NRXN3: variants seen among roughly 807,000 people sequenced by gnomAD.
NRXN3 encodes neurexin III.
A neutral mutation model predicts 137.6 loss-of-function variants in NRXN3; 32 were observed. The ratio of observed to expected loss-of-function variants is 0.23; its 90% CI spans 0.18 to 0.31. NRXN3 has a LOEUF of 0.31. Ranked by LOEUF, NRXN3 falls within the 10% of genes least tolerant of loss-of-function variation. The pLI is 1.00. For synonymous variants in NRXN3, 798 were observed against 784.5 expected (o/e 1.02, Z -0.29); for missense variants, 1,574 against 2,062.5 (o/e 0.76, Z 4.59).
chr14:79,372,970 A>G (rs763646485), intron 15 of NRXN3, among the ~76,000 whole-genome samples: 5 of 152,254 alleles, frequency 3.3e-5, no homozygotes, highest in South Asian at 4.1e-4. Context: ...CCTGACAAAT[A>G]TAAAAAGAGA....
chr14:78,419,176 T>G (rs2093312756), intron 4 of NRXN3, among the ~76,000 whole-genome samples: 1 of 152,242 alleles, frequency 6.6e-6, no homozygotes, highest in South Asian at 2.1e-4. Flanking sequence ...TAGTTCATGG[T>G]GGGACCTGAG....
chr14:78,201,991 A>C (rs919416531), intron 1 of NRXN3, among the ~76,000 whole-genome samples: 1 of 152,222 alleles, frequency 6.6e-6, no homozygotes, highest in Admixed American at 6.5e-5. Context: ...TCTAAGGTCC[A>C]TTTCTGGCTA....
chr14:78,971,458 A>G (rs141280824), intron 14 of NRXN3, among the ~76,000 whole-genome samples: 1 of 151,962 alleles, frequency 6.6e-6, no homozygotes, highest in African/African-American at 2.4e-5. Flanking sequence ...ACACACACAG[A>G]TAGATAAGTA....
chr14:79,860,998 A>G lies in NRXN3; in HGVS notation c.4094-344A>G, dbSNP rs1311447183. 2.4e-6 allele frequency: 3 copies of G among 1,256,982 alleles called. No individual in the cohort carries two copies. The African/African-American group carries it at 4.5e-5, about 19-fold the overall frequency. The allele number at this position is 1,256,982 out of a possible 1,614,324, so 77.9% of individuals were successfully genotyped here. A position where few individuals can be genotyped will look rare whatever the true frequency, so the allele number is the denominator to read the frequency against. ...GACGTTGGTTGAGTGAGAGTTGTTT[A>G]CAAATATACTAATTGTTTTTCTTTT... On this transcript the variant is annotated intron_variant, in intron 20 of 20. Coordinates refer to ENST00000335750, the MANE Select transcript of NRXN3 (RefSeq NM_001330195.2).
intron 15 of NRXN3, among the ~76,000 whole-genome samples, chr14:79,403,156 T>G (rs920692487): frequency 1.3e-5 from 2 of 152,122 alleles, no homozygotes; most frequent in Non-Finnish European, 2.9e-5. Flanking sequence ...TCTGTCCCAC[T>G]TTTCTCTAAT....
intron 16 of NRXN3, among the ~76,000 whole-genome samples, chr14:79,604,452 C>G (rs1361946806): frequency 6.6e-6 from 1 of 151,152 alleles, no homozygotes; most frequent in African/African-American, 2.4e-5. Context: ...CCAGGCTGGT[C>G]TTGAACTCCT....
At chr14:78,482,022 G>A (rs2095481333) in intron 4 of NRXN3, among the ~76,000 whole-genome samples, 1 of 152,134 alleles carries the variant, frequency 6.6e-6, no homozygotes, top group South Asian at 2.1e-4. Context: ...TCAACTAAAA[G>A]TTAATCCCTG....
At chr14:78,183,031 G>A (rs1280053895) in intron 1 of NRXN3, among the ~76,000 whole-genome samples, 1 of 152,132 alleles carries the variant, frequency 6.6e-6, no homozygotes. Flanking sequence ...ACAATGGCAG[G>A]TTGGGAGGCA....
intron 15 of NRXN3, among the ~76,000 whole-genome samples, chr14:79,137,333 AGCTACTGCCTACATTTCACT>A (rs1218811379): frequency 6.6e-6 from 1 of 152,216 alleles, no homozygotes; most frequent in East Asian, 1.9e-4. Context: ...CTGTTGAAAC[AGCTACTGCCTACATTTCACT>A]GCCTCTTGAA....
At chr14:78,489,977 C>A (rs953512983) in intron 4 of NRXN3, among the ~76,000 whole-genome samples, 2 of 151,406 alleles carry the variant, frequency 1.3e-5, no homozygotes, top group Non-Finnish European at 2.9e-5. Flanking sequence ...TGCAGTGGCA[C>A]GATCTTGGCT....
At chr14:79,400,131 A>G (rs892909147) in intron 15 of NRXN3, among the ~76,000 whole-genome samples, 5 of 152,194 alleles carry the variant, frequency 3.3e-5, no homozygotes, top group Admixed American at 6.5e-5. Context: ...CAACGATTCT[A>G]TTTGCAAGTA....
chr14:79,265,814 A>G (rs1402841223), intron 15 of NRXN3, among the ~76,000 whole-genome samples: 2 of 152,186 alleles, frequency 1.3e-5, no homozygotes, highest in African/African-American at 4.8e-5. Flanking sequence ...GCTAAGATAT[A>G]TGCCTGCTGA....
intron 19 of NRXN3, among the ~76,000 whole-genome samples, chr14:79,710,029 C>T (rs1284640739): frequency 6.6e-6 from 1 of 152,038 alleles, no homozygotes; most frequent in Non-Finnish European, 1.5e-5. Flanking sequence ...GAGAATTAAC[C>T]TGGATGGGGT....
intron 4 of NRXN3, among the ~76,000 whole-genome samples, chr14:78,611,796 G>A (rs1362599901): frequency 6.6e-6 from 1 of 152,176 alleles, no homozygotes; most frequent in East Asian, 1.9e-4. Context: ...TAATCTGCAG[G>A]TGCAGAGAAA....
At chr14:78,197,225 C>A (rs578026734) in intron 1 of NRXN3, among the ~76,000 whole-genome samples, 1 of 152,202 alleles carries the variant, frequency 6.6e-6, no homozygotes, top group Non-Finnish European at 1.5e-5. Flanking sequence ...CGCTCAGTGG[C>A]GTGCATGCAT....
Position 78,633,984 on chromosome 14 carries a change from A to G in NRXN3, c.758-11136A>G, listed in dbSNP as rs541882719. Among the ~76,000 whole-genome samples the G allele has an allele frequency of 6.0e-4, 92 of 152,304 alleles. 1 individual carries two copies. Among genetic ancestry groups the G allele is most frequent in the South Asian group, 2.1e-3 (10 of 4,818 alleles). The stretch of plus-strand genomic sequence containing the variant: ...CCCCCTGCAGGGGAAGGCTAAGAGG[A>G]TGGGCACAGATTCAGGCTTCTCAAT... On this transcript the variant is annotated intron_variant, in intron 4 of 20. Transcript: ENST00000335750.
intron 6 of NRXN3, among the ~76,000 whole-genome samples, chr14:78,661,614 A>G (rs1201169323): frequency 1.3e-5 from 2 of 152,242 alleles, no homozygotes; most frequent in African/African-American, 2.4e-5. Context: ...TTGAATTAAT[A>G]GAGGTCTGAC....
chr14:78,221,534 T>C (rs748695980), intron 1 of NRXN3, among the ~76,000 whole-genome samples: 40 of 152,292 alleles, frequency 2.6e-4, no homozygotes, highest in African/African-American at 8.9e-4. Context: ...CTTGGGGTGA[T>C]ATATTGGTCA....
At chr14:78,177,337 A>T (rs1459410115) in intron 1 of NRXN3, among the ~76,000 whole-genome samples, 1 of 151,924 alleles carries the variant, frequency 6.6e-6, no homozygotes, top group Non-Finnish European at 1.5e-5. Context: ...TTGACCTTGA[A>T]TGGGAGAAGG....
Sources: allele counts gnomAD v4.1 joint callset (sites outside exome capture counted in the v4.1 genomes callset), GRCh38; gene constraint gnomAD v4.1.1; transcripts MANE v1.5; gene names NCBI Gene and HGNC (gene_info 2026-07-23, HGNC 2026-07-21).